TTC28: variants seen among roughly 807,000 people sequenced by gnomAD.
TTC28 encodes the protein tetratricopeptide repeat protein 28.
A neutral mutation model predicts 198.0 loss-of-function variants in TTC28; 61 were observed. The observed-to-expected ratio is 0.31, with a 90% CI of 0.25 to 0.38. The LOEUF (loss-of-function observed/expected upper bound fraction) is 0.38. TTC28 is among the 10% of genes least tolerant of loss of function. TTC28 has a pLI of 1.00. For missense variants in TTC28, 2,678 were observed against 3,164.0 expected, an observed-to-expected ratio of 0.85 and a Z score of 3.69; for synonymous variants, 1,171 against 1,297.8, an observed-to-expected ratio of 0.90 and a Z score of 2.10.
rs190130244 is a variant in TTC28, at chr22:28,608,771, T to C, written c.381+20781A>G. ...GTTTGGCAAAGGCTGAGAAACTTAG[T>C]AGTTCAAGGCATTTAAGGAATCTCT... On this transcript the variant is annotated intron_variant, in intron 2 of 22. Coordinates refer to ENST00000397906, the MANE Select transcript of TTC28 (RefSeq NM_001145418.2). Among the ~76,000 whole-genome samples the C allele has an allele frequency of 2.9e-4, 44 of 152,278 alleles. 1 individual carries two copies. The East Asian group carries it at 5.2e-3, about 18-fold the overall frequency.
At chr22:28,061,982 T>C (rs555511338) in intron 12 of TTC28, among the ~76,000 whole-genome samples, 4 of 152,308 alleles carry the variant, frequency 2.6e-5, no homozygotes, top group South Asian at 2.1e-4. Flanking sequence ...TTGAAGCAAT[T>C]GTGAATGGGA....
chr22:28,049,270 A>ACTTCT (rs1939985461), intron 12 of TTC28, among the ~76,000 whole-genome samples: 1 of 152,142 alleles, frequency 6.6e-6, no homozygotes, highest in South Asian at 2.1e-4. Flanking sequence ...AATGGTTTTA[A>ACTTCT]ATCCCACCAT....
chr22:28,112,487 G>A (rs1942512772), intron 6 of TTC28, among the ~76,000 whole-genome samples: 1 of 152,140 alleles, frequency 6.6e-6, no homozygotes, highest in Non-Finnish European at 1.5e-5. Context: ...ATCATAGGAA[G>A]ACTCTCAAAG....
At chr22:28,133,905 C>T (rs1288176154) in intron 6 of TTC28, among the ~76,000 whole-genome samples, 1 of 152,252 alleles carries the variant, frequency 6.6e-6, no homozygotes, top group East Asian at 1.9e-4. Flanking sequence ...AGCGGACAGA[C>T]TGCCTCCTGA....
intron 6 of TTC28, among the ~76,000 whole-genome samples, chr22:28,150,083 C>T (rs951394802): frequency 1.3e-5 from 2 of 151,822 alleles, no homozygotes; most frequent in African/African-American, 4.8e-5. Context: ...CCTACTCTGC[C>T]CCAGAGTGCA....
intron 15 of TTC28, 48 bp downstream of exon 15, chr22:28,001,326 T>C: frequency 6.6e-7 from 1 of 1,522,712 alleles, no homozygotes; most frequent in Non-Finnish European, 8.9e-7. Flanking sequence ...CGGTGCCTCG[T>C]GACCCGAAAA....
chr22:28,198,419 T>C (rs962220403), intron 5 of TTC28, among the ~76,000 whole-genome samples: 6 of 152,070 alleles, frequency 3.9e-5, no homozygotes, highest in African/African-American at 1.2e-4. Flanking sequence ...TGCAGAAAAG[T>C]TGTCACATTA....
At chr22:28,608,145 C>A (rs1027955424) in intron 2 of TTC28, among the ~76,000 whole-genome samples, 2 of 152,218 alleles carry the variant, frequency 1.3e-5, no homozygotes, top group African/African-American at 4.8e-5. Flanking sequence ...GTAAAAGCAG[C>A]AAGCTTTGTG....
chr22:28,116,921 C>T (rs1942647232), intron 6 of TTC28, among the ~76,000 whole-genome samples: 1 of 152,218 alleles, frequency 6.6e-6, no homozygotes, highest in South Asian at 2.1e-4. Context: ...TACCCTGCCT[C>T]TTCTGCCTGT....
chr22:28,429,632 ATT>A (rs2146198129), intron 2 of TTC28, among the ~76,000 whole-genome samples: 1 of 152,256 alleles, frequency 6.6e-6, no homozygotes, highest in South Asian at 2.1e-4. Context: ...CTTTTTCAAT[ATT>A]CTTTCCAATT....
chr22:28,243,212 A>T lies in TTC28; in HGVS notation c.933+52986T>A, dbSNP rs1029438002. ...AAAAAAAAAAAAAAAAAAAAAAAAAAACTAGCCAGCCACACTGTCACACAC... is the reference window on the plus strand; with the variant it reads ...AAAAAAAAAAAAAAAAAAAAAAAAATACTAGCCAGCCACACTGTCACACAC... On this transcript the variant is annotated intron_variant, in intron 5 of 22. Transcript: ENST00000397906. Among the ~76,000 whole-genome samples the T allele has an allele frequency of 6.0e-5, 8 of 133,444 alleles. 1 individual carries two copies. The highest frequency in any genetic ancestry group is 1.1e-4 in the Non-Finnish European group (7 of 63,134). The allele number at this position is 133,444 out of a possible 152,430, so 87.5% of individuals were successfully genotyped here. A position where few individuals can be genotyped will look rare whatever the true frequency, so the allele number is the denominator to read the frequency against.
intron 21 of TTC28, among the ~76,000 whole-genome samples, chr22:27,989,429 G>C (rs1184558927): frequency 2.0e-5 from 3 of 152,086 alleles, no homozygotes; most frequent in Non-Finnish European, 4.4e-5. Flanking sequence ...TAAGGTAATG[G>C]GCACAAATGA....
chr22:28,314,421 G>A (rs2045320284), intron 2 of TTC28, among the ~76,000 whole-genome samples: 1 of 152,144 alleles, frequency 6.6e-6, no homozygotes, highest in South Asian at 2.1e-4. Context: ...TCCTGGGCAA[G>A]AAGAACAAAG....
chr22:28,348,446 G>A (rs866420385), intron 2 of TTC28, among the ~76,000 whole-genome samples: 16 of 152,294 alleles, frequency 1.1e-4, no homozygotes, highest in South Asian at 2.1e-4. Flanking sequence ...ATCCTGGGGC[G>A]TTCCAAGATA....
chr22:28,094,362 C>G, intron 11 of TTC28, 117 bp from the exon 12 acceptor site: 2 of 1,148,544 alleles, frequency 1.7e-6, no homozygotes, highest in Non-Finnish European at 2.3e-6. Flanking sequence ...GCATGCCATC[C>G]TGCAAACCCT....
chr22:28,397,424 T>C (rs1004820666), intron 2 of TTC28, among the ~76,000 whole-genome samples: 2 of 152,226 alleles, frequency 1.3e-5, no homozygotes, highest in East Asian at 1.9e-4. Context: ...AAGCTAGTGC[T>C]CACAAAGAAT....
chr22:28,225,683 T>C (rs963768044), intron 5 of TTC28, among the ~76,000 whole-genome samples: 4 of 152,206 alleles, frequency 2.6e-5, no homozygotes, highest in Non-Finnish European at 5.9e-5. Context: ...AGCTCTGACA[T>C]ATGTGTACAC....
rs567746056 is a variant in TTC28 at position 28,286,192 on chromosome 22, ATAAAAC to A, written c.933+10000_933+10005del. Among the ~76,000 whole-genome samples the A allele has an allele frequency of 1.4e-3, 215 of 152,288 alleles. 1 individual carries two copies. Among genetic ancestry groups the A allele is most frequent in the African/African-American group, 4.8e-3 (200 of 41,550 alleles). On this transcript the variant is annotated intron_variant, in intron 5 of 22. Coordinates refer to ENST00000397906, the MANE Select transcript of TTC28 (RefSeq NM_001145418.2). Reference sequence around the variant, plus strand: ...AATACCACATTCCCATTTATGAAAAATAAAACAATACATTTTTAGACATGTATATTT... The same window carrying A: ...AATACCACATTCCCATTTATGAAAAAAATACATTTTTAGACATGTATATTT...
chr22:28,437,536 AG>A (rs2047539424), intron 2 of TTC28, among the ~76,000 whole-genome samples: 1 of 152,206 alleles, frequency 6.6e-6, no homozygotes, highest in Admixed American at 6.5e-5. Context: ...GAAACAGGGT[AG>A]GGCTTTAAGA....
Sources: allele counts gnomAD v4.1 joint callset (sites outside exome capture counted in the v4.1 genomes callset), GRCh38; gene constraint gnomAD v4.1.1; transcripts MANE v1.5; gene names NCBI Gene and HGNC (gene_info 2026-07-23, HGNC 2026-07-21).